Variants in ANO3 observed in about 807,000 individuals in gnomAD.
The protein encoded by ANO3 is anoctamin 3.
Under a neutral mutation model 144.8 loss-of-function variants are expected in ANO3, and 99 were observed. The ratio of observed to expected loss-of-function variants is 0.68; its 90% confidence interval spans 0.58 to 0.81. ANO3 has a LOEUF of 0.81. Among genes scored for constraint, ANO3 ranks in the 30% least tolerant of loss-of-function variants. The pLI is 0.00. For missense variants in ANO3, 905 were observed against 1,202.2 expected, an observed-to-expected ratio of 0.75 and a Z score of 3.66; for synonymous variants, 414 against 392.6, an observed-to-expected ratio of 1.05 and a Z score of -0.64.
At chr11:26,506,756 G>A (rs949272103) in intron 4 of ANO3, among the ~76,000 whole-genome samples, 12 of 152,100 alleles carry the variant, frequency 7.9e-5, no homozygotes, top group Admixed American at 2.0e-4. Flanking sequence ...AGCCCCTCAG[G>A]CAACCTAACC....
Position 26,542,049 on chromosome 11 carries a change from C to G in ANO3, c.1135C>G (p.Gln379Glu). The change falls in exon 11 of 27, where the codon CAG becomes GAG. Residue 379 changes from glutamine (Q) to glutamate (E), a missense_variant. By Grantham distance (29) the Gln-to-Glu change is conservative. This residue lies in a region of ANO3 where 597 missense variants were observed against 865.1 expected (regional missense o/e 0.69). Coordinates refer to ENST00000256737, the MANE Select transcript of ANO3 (RefSeq NM_031418.4). ...ACGCTGGGGAATGTGGTATAAGCAT[C>G]AGCCTCTGGATTTAATCAGGTACTG... is the stretch of plus-strand genomic sequence containing the variant. ...WARWGMWYKH[Q>E]PLDLIRLYFG... 6.2e-7 allele frequency: 1 copy of G among 1,611,444 alleles called. No homozygotes were observed. Among genetic ancestry groups the G allele is most frequent in the Non-Finnish European group, 8.5e-7 (1 of 1,178,608 alleles).
chr11:26,661,386 A>G lies in ANO3; in HGVS notation c.*942A>G, dbSNP rs1034390331. 4 of 152,562 alleles carry G rather than the reference A, an allele frequency of 2.6e-5. No individual in the cohort carries two copies. The highest frequency in any genetic ancestry group is 9.7e-5 in the African/African-American group (4 of 41,446). The allele number at this position is 152,562 out of a possible 1,614,324, so 9.5% of individuals were successfully genotyped here. A position where few individuals can be genotyped will look rare whatever the true frequency, so the allele number is the denominator to read the frequency against. On this transcript the variant is annotated 3_prime_UTR_variant, in exon 27 of 27. Transcript: ENST00000256737. Reference sequence around the variant, plus strand: ...TTTCCTTGTCCCTTTGCACCTTGACAGTACGTAGTATACATTGTGGTTTAT... The same window carrying G: ...TTTCCTTGTCCCTTTGCACCTTGACGGTACGTAGTATACATTGTGGTTTAT...
At chr11:26,615,525 A>G (rs2132980959) in intron 17 of ANO3, among the ~76,000 whole-genome samples, 1 of 151,982 alleles carries the variant, frequency 6.6e-6, no homozygotes, top group East Asian at 1.9e-4. Context: ...ATACCACATA[A>G]CATCTATGAG....
At chr11:26,476,916 T>TGC (rs1860001150) in intron 4 of ANO3, among the ~76,000 whole-genome samples, 1 of 143,820 alleles carries the variant, frequency 7.0e-6, no homozygotes, top group Non-Finnish European at 1.5e-5. Flanking sequence ...TGTGTGTGTG[T>TGC]GTGTGTGTGT....
chr11:26,556,343 T>C (rs890275358), intron 13 of ANO3, among the ~76,000 whole-genome samples: 1 of 152,016 alleles, frequency 6.6e-6, no homozygotes, highest in Non-Finnish European at 1.5e-5. Flanking sequence ...TAATTTTCTC[T>C]TTAAAAAAAA....
At chr11:26,385,392 G>A (rs1457307290) in intron 1 of ANO3, among the ~76,000 whole-genome samples, 1 of 152,150 alleles carries the variant, frequency 6.6e-6, no homozygotes, top group African/African-American at 2.4e-5. Flanking sequence ...TACAGTTCTG[G>A]AGGTTAAAAA....
intron 1 of ANO3, among the ~76,000 whole-genome samples, chr11:26,364,656 T>C (rs1282434902): frequency 6.6e-6 from 1 of 151,952 alleles, no homozygotes; most frequent in Non-Finnish European, 1.5e-5. Context: ...TGCCACACTT[T>C]ACAAAAACTA....
intron 1 of ANO3, among the ~76,000 whole-genome samples, chr11:26,360,594 A>C (rs1855900098): frequency 6.6e-6 from 1 of 152,124 alleles, no homozygotes; most frequent in Non-Finnish European, 1.5e-5. Flanking sequence ...CTCTGTAGAC[A>C]GAATGCCTGT....
At chr11:26,532,968 T>A (rs1388062561) in intron 8 of ANO3, among the ~76,000 whole-genome samples, 1 of 152,236 alleles carries the variant, frequency 6.6e-6, no homozygotes, top group African/African-American at 2.4e-5. Context: ...TAAAAATTAC[T>A]TGTTGAGGGA....
intron 4 of ANO3, among the ~76,000 whole-genome samples, chr11:26,493,265 G>A (rs540891053): frequency 1.3e-5 from 2 of 152,252 alleles, no homozygotes; most frequent in South Asian, 2.1e-4. Context: ...AGTGAATAAA[G>A]ATTATACCTC....
chr11:26,218,261 C>T (rs1375536007), intron 1 of ANO3, among the ~76,000 whole-genome samples: 1 of 151,964 alleles, frequency 6.6e-6, no homozygotes, highest in Admixed American at 6.6e-5. Context: ...TGAAGAATGA[C>T]CAGAGAAATG....
intron 14 of ANO3, among the ~76,000 whole-genome samples, chr11:26,590,555 C>T (rs1293229945): frequency 2.0e-5 from 3 of 152,142 alleles, no homozygotes; most frequent in Non-Finnish European, 4.4e-5. Flanking sequence ...CTTGGCCTCA[C>T]GGATTCCAAG....
rs1274653026 is a variant in ANO3 at position 26,599,660 on chromosome 11, A to G, written c.1782A>G (p.Ala594=). The change falls in exon 17 of 27, where the codon GCA becomes GCG. Residue 594 remains alanine (A), a synonymous_variant. Coordinates refer to ENST00000256737, the MANE Select transcript of ANO3 (RefSeq NM_031418.4). ...TCATCAAACAATACTGGCAGTTTGC[A>G]ACATCTGCTGCTGCTGTCTGTATCA... ...WNFIKQYWQF[A]TSAAAVCINF... The G allele has an allele frequency of 6.2e-7, 1 of 1,614,026 alleles. No homozygotes were observed. The highest frequency in any genetic ancestry group is 8.5e-7 in the Non-Finnish European group (1 of 1,180,018).
intron 1 of ANO3, among the ~76,000 whole-genome samples, chr11:26,234,282 T>C (rs1852466764): frequency 1.3e-5 from 2 of 152,220 alleles, no homozygotes; most frequent in South Asian, 4.1e-4. Flanking sequence ...TTTCATATTC[T>C]TAAACTATTA....
intron 18 of ANO3, among the ~76,000 whole-genome samples, chr11:26,628,391 T>C (rs1375875001): frequency 6.6e-6 from 1 of 152,158 alleles, no homozygotes; most frequent in Non-Finnish European, 1.5e-5. Context: ...CTGCATCTCA[T>C]AAATAACTTT....
rs138377207 is a variant in ANO3 at position 26,459,178 on chromosome 11, G to C, written c.314-3852G>C. Among the ~76,000 whole-genome samples the C allele has an allele frequency of 7.0e-3, 1,067 of 152,194 alleles. 6 individuals are homozygous for C. The highest frequency in any genetic ancestry group is 0.024 in the African/African-American group (988 of 41,552). On this transcript the variant is annotated intron_variant, in intron 3 of 26. Coordinates refer to ENST00000256737, the MANE Select transcript of ANO3 (RefSeq NM_031418.4). ...AGGGTAGAGCTGTAGGAGCTGGACA[G>C]GGAATGATAGTAAGGAGCTAGATGA...
chr11:26,592,517 C>T (rs1190963160), intron 14 of ANO3, among the ~76,000 whole-genome samples: 1 of 151,126 alleles, frequency 6.6e-6, no homozygotes, highest in East Asian at 2.0e-4. Context: ...GGCCTCTGCC[C>T]AACCAGTGAA....
intron 1 of ANO3, among the ~76,000 whole-genome samples, chr11:26,435,541 T>C (rs1858263974): frequency 6.6e-6 from 1 of 152,226 alleles, no homozygotes; most frequent in Non-Finnish European, 1.5e-5. Flanking sequence ...CAGTGATTCA[T>C]AGATTTGGTC....
chr11:26,313,131 T>C (rs2133872235), intron 1 of ANO3, among the ~76,000 whole-genome samples: 1 of 152,288 alleles, frequency 6.6e-6, no homozygotes, highest in South Asian at 2.1e-4. Flanking sequence ...ACCTAGCATA[T>C]CGATGCAAAA....
Sources: allele counts gnomAD v4.1 joint callset (sites outside exome capture counted in the v4.1 genomes callset), GRCh38; gene constraint gnomAD v4.1.1; regional missense constraint gnomAD v4.1.1; transcripts MANE v1.5; gene names NCBI Gene and HGNC (gene_info 2026-07-23, HGNC 2026-07-21).